The following XRN1 variants were observed in gnomAD, a reference collection of about 807,000 sequenced individuals.
XRN1 encodes 5'-3' exoribonuclease 1.
In XRN1, 67 loss-of-function variants were observed where a neutral mutation model predicts 222.3. The observed-to-expected ratio is 0.30, with a 90% confidence interval of 0.25 to 0.37. The LOEUF (loss-of-function observed/expected upper bound fraction) is 0.37, where lower values mean the gene tolerates loss of function less well. Ranked by LOEUF, XRN1 falls within the 10% of genes least tolerant of loss-of-function variation. The pLI, the probability that XRN1 is intolerant of heterozygous loss-of-function variation, is 1.00. For missense variants in XRN1, 1,707 were observed against 2,000.2 expected, an observed-to-expected ratio of 0.85 and a Z score of 2.80; for synonymous variants, 643 against 652.4, an observed-to-expected ratio of 0.99 and a Z score of 0.22.
At chr3:142,424,397 C>T (rs2069165627) in intron 5 of XRN1, among the ~76,000 whole-genome samples, 1 of 152,092 alleles carries the variant, frequency 6.6e-6, no homozygotes, top group Non-Finnish European at 1.5e-5. Flanking sequence ...TGCCCGGCCT[C>T]TCACACAGTA....
Position 142,414,244 on chromosome 3 carries a change from ATGT to A in XRN1, c.1481_1483del (p.Asn494del), listed in dbSNP as rs2068699044. 2 of 1,613,776 alleles carry A rather than the reference ATGT, an allele frequency of 1.2e-6. No individual in the cohort carries two copies. The highest frequency in any genetic ancestry group is 1.7e-6 in the Non-Finnish European group (2 of 1,179,900). ...TTCAAAATGGATTTTGAGTGTACTG[ATGT>A]TGTGTATATCAGACAGGAAAGGTGC... On this transcript the variant is annotated inframe_deletion, in exon 14 of 41. Transcript: ENST00000392981.
rs963642353 is a variant in XRN1, at chr3:142,425,259, T to G, written c.590A>C (p.Asn197Thr). 3.7e-6 allele frequency: 6 copies of G among 1,605,744 alleles called. No homozygotes were observed. In the African/African-American group the frequency reaches 5.4e-5, roughly 14 times the overall value. Residue 197 changes from asparagine (N) to threonine (T), a missense_variant, in exon 5 of 41, where the codon AAC (asparagine) becomes ACC (threonine). Around this residue, in one of 2 missense-constraint regions of XRN1, gnomAD observed 1,234 missense variants for 1,518.2 expected, o/e 0.81. Coordinates refer to ENST00000392981, the MANE Select transcript of XRN1 (RefSeq NM_001282857.2). ...TAAACCATAAAGACAGTGTCTGGTG[T>G]TTGGATCATGATCTGGCTTTGCTTT... ...SEKAKPDHDP[N>T]TRHCLYGLDA...
intron 18 of XRN1, among the ~76,000 whole-genome samples, chr3:142,401,400 T>C (rs572384433): frequency 6.6e-6 from 1 of 152,234 alleles, no homozygotes; most frequent in South Asian, 2.1e-4. Flanking sequence ...AAATAATATC[T>C]TAAGTAAAAA....
chr3:142,321,944 T>C (rs542754997), intron 37 of XRN1, among the ~76,000 whole-genome samples: 4 of 152,334 alleles, frequency 2.6e-5, no homozygotes, highest in African/African-American at 7.2e-5. Flanking sequence ...CTAATTTAGA[T>C]GTCTTTTATT....
At chr3:142,343,463 A>T (rs1392668365) in intron 33 of XRN1, among the ~76,000 whole-genome samples, 2 of 141,558 alleles carry the variant, frequency 1.4e-5, no homozygotes, top group Non-Finnish European at 1.5e-5. Flanking sequence ...TTAAAAAAAA[A>T]AAAGAAAAAA....
chr3:142,369,027 T>C (rs2107879335), intron 27 of XRN1, among the ~76,000 whole-genome samples: 1 of 152,230 alleles, frequency 6.6e-6, no homozygotes, highest in South Asian at 2.1e-4. Flanking sequence ...GTATCTTGCC[T>C]AAGGTTATTA....
At chr3:142,326,276 C>T (rs911318928) in intron 37 of XRN1, among the ~76,000 whole-genome samples, 10 of 151,862 alleles carry the variant, frequency 6.6e-5, no homozygotes, top group Non-Finnish European at 1.3e-4. Context: ...TCTTCCAATA[C>T]ATGAACATGG....
At chr3:142,430,162 G>A (rs2108147332) in intron 2 of XRN1, among the ~76,000 whole-genome samples, 1 of 152,282 alleles carries the variant, frequency 6.6e-6, no homozygotes, top group Middle Eastern at 3.4e-3. Flanking sequence ...TCTGCCACTG[G>A]TGAGTCAGTT....
rs986886643 is a variant in XRN1 at position 142,308,374 on chromosome 3, C to T, written c.*3137G>A. Reference sequence around the variant, plus strand: ...TCTAAAATGAAAGCAGGTACCTGATCATAGAAAGAAACAATAAAAAAACTT... The same window carrying T: ...TCTAAAATGAAAGCAGGTACCTGATTATAGAAAGAAACAATAAAAAAACTT... On this transcript the variant is annotated 3_prime_UTR_variant, in exon 41 of 41. Coordinates refer to ENST00000392981, the MANE Select transcript of XRN1 (RefSeq NM_001282857.2). 9 of 152,086 alleles carry T rather than the reference C, an allele frequency of 5.9e-5. No individual in the cohort carries two copies. Among genetic ancestry groups the T allele is most frequent in the African/African-American group, 2.2e-4 (9 of 41,432 alleles). The allele number at this position is 152,086 out of a possible 1,614,324, so 9.4% of individuals were successfully genotyped here.
At chr3:142,441,184 G>C (rs755677394) in intron 1 of XRN1, among the ~76,000 whole-genome samples, 1 of 152,164 alleles carries the variant, frequency 6.6e-6, no homozygotes, top group Admixed American at 6.5e-5. Flanking sequence ...AGCCTATACT[G>C]CTTATCCTCA....
chr3:142,393,056 T>C (rs1412648362), intron 20 of XRN1, among the ~76,000 whole-genome samples: 2 of 151,870 alleles, frequency 1.3e-5, no homozygotes, highest in Admixed American at 6.6e-5. Context: ...GGTTTTGATT[T>C]GCATTTCTCT....
At chr3:142,404,452 A>G (rs1476432985) in intron 16 of XRN1, among the ~76,000 whole-genome samples, 2 of 152,166 alleles carry the variant, frequency 1.3e-5, no homozygotes, top group Admixed American at 1.3e-4. Context: ...AGAGAAAAAA[A>G]AGGAAGATAT....
intron 33 of XRN1, among the ~76,000 whole-genome samples, chr3:142,343,139 C>A (rs1230737903): frequency 6.6e-6 from 1 of 152,032 alleles, no homozygotes; most frequent in Non-Finnish European, 1.5e-5. Context: ...TTTCTCAAAA[C>A]AAGAGGCATA....
intron 15 of XRN1, among the ~76,000 whole-genome samples, chr3:142,411,390 T>C (rs898204721): frequency 5.9e-5 from 9 of 152,144 alleles, no homozygotes; most frequent in Admixed American, 5.9e-4. Context: ...TTTAATTTGC[T>C]CTTCTTTTTC....
In XRN1 at chr3:142,432,794, T is replaced by C. The variant is rs1195653601; in HGVS notation, c.175A>G (p.Lys59Glu). 2.5e-6 allele frequency: 4 copies of C among 1,613,952 alleles called. No homozygotes were observed. Among genetic ancestry groups the C allele is most frequent in the East Asian group, 2.2e-5 (1 of 44,874 alleles). ...DDVHFRISDD[K>E]IFTDIFHYLE... ...TAGTGAAAAATATCAGTAAAGATTTTATCATCTGAAATTCTAAAGTGAACA... is the reference window on the plus strand; with the variant it reads ...TAGTGAAAAATATCAGTAAAGATTTCATCATCTGAAATTCTAAAGTGAACA... The change falls in exon 2 of 41, where the codon AAA becomes GAA. Residue 59 changes from lysine (K) to glutamate (E), a missense_variant. Transcript: ENST00000392981.
In XRN1 at chr3:142,332,532, C is replaced by G; in HGVS notation, c.4065G>C (p.Lys1355Asn). The G allele has an allele frequency of 1.2e-6, 2 of 1,604,364 alleles. No individual in the cohort carries two copies. Among genetic ancestry groups the G allele is most frequent in the Non-Finnish European group, 1.7e-6 (2 of 1,175,174 alleles). The change falls in exon 36 of 41, where the codon AAG becomes AAC. Residue 1355 changes from lysine to asparagine, a missense_variant and splice_region_variant. This residue lies in a region of XRN1 where 473 missense variants were observed against 482.0 expected (regional missense o/e 0.98). Coordinates refer to ENST00000392981, the MANE Select transcript of XRN1 (RefSeq NM_001282857.2). The part of the protein sequence containing the change: ...EHLSPQSFAM[K>N]GTRMLKEILK... ...GAATTTCTTTAAGCATCCGTGTTCC[C>G]TTCTTTTTGAAAATGATTCACATGG... is the stretch of plus-strand genomic sequence containing the variant.
intron 19 of XRN1, among the ~76,000 whole-genome samples, chr3:142,398,777 T>C (rs2068022212): frequency 6.6e-6 from 1 of 151,964 alleles, no homozygotes; most frequent in African/African-American, 2.4e-5. Context: ...TAAATGACAC[T>C]AAAAGGAAAC....
intron 37 of XRN1, among the ~76,000 whole-genome samples, chr3:142,327,700 G>C (rs1228971055): frequency 3.3e-5 from 5 of 151,962 alleles, no homozygotes; most frequent in Non-Finnish European, 5.9e-5. Flanking sequence ...TAAACGTAAG[G>C]GGTGCGAGTG....
At chr3:142,387,885 C>G (rs1189180999) in intron 20 of XRN1, among the ~76,000 whole-genome samples, 5 of 152,068 alleles carry the variant, frequency 3.3e-5, no homozygotes. Flanking sequence ...TCCCTCCCTA[C>G]CCCTCTCTTG....
Sources: allele counts gnomAD v4.1 joint callset (sites outside exome capture counted in the v4.1 genomes callset), GRCh38; gene constraint gnomAD v4.1.1; regional missense constraint gnomAD v4.1.1; transcripts MANE v1.5; gene names NCBI Gene and HGNC (gene_info 2026-07-23, HGNC 2026-07-21).